The following GLI3 variants were observed in gnomAD, a reference collection of about 807,000 sequenced individuals.
GLI3 encodes transcription activator GLI3.
Under a neutral mutation model 100.8 loss-of-function variants are expected in GLI3, and 20 were observed. That is an observed-to-expected ratio of 0.20 (90% CI 0.14 to 0.29). GLI3 has a LOEUF of 0.29. GLI3 is among the 10% of genes least tolerant of loss of function. The pLI is 1.00. For missense variants in GLI3, 2,040 were observed against 2,128.5 expected, an observed-to-expected ratio of 0.96 and a Z score of 0.82; for synonymous variants, 938 against 860.5, an observed-to-expected ratio of 1.09 and a Z score of -1.58.
chr7:42,110,284 C>A (rs896185798), intron 3 of GLI3, among the ~76,000 whole-genome samples: 1 of 152,188 alleles, frequency 6.6e-6, no homozygotes, highest in African/African-American at 2.4e-5. Flanking sequence ...CCTTTTACAA[C>A]CAACTTTTCT....
At chr7:41,996,299 C>A (rs1404991281) in intron 10 of GLI3, among the ~76,000 whole-genome samples, 2 of 148,392 alleles carry the variant, frequency 1.3e-5, no homozygotes, top group African/African-American at 2.5e-5. Context: ...TTTTTTTTTT[C>A]CTCGAGTCCA....
chr7:42,202,340 TCTCTCTCACACACACA>T (rs1218137746), intron 2 of GLI3, among the ~76,000 whole-genome samples: 97 of 34,834 alleles, frequency 2.8e-3, no homozygotes, highest in African/African-American at 5.4e-3. Context: ...TCTCTCTCTC[TCTCTCTCACACACACA>T]CACACACACA....
intron 6 of GLI3, among the ~76,000 whole-genome samples, chr7:42,043,878 C>G (rs1784192173): frequency 6.6e-6 from 1 of 152,056 alleles, no homozygotes; most frequent in African/African-American, 2.4e-5. Context: ...AATAACACAA[C>G]TTTTTTTTCA....
chr7:42,084,194 C>T (rs984507909), intron 3 of GLI3, among the ~76,000 whole-genome samples: 6 of 152,206 alleles, frequency 3.9e-5, no homozygotes, highest in Non-Finnish European at 7.3e-5. Flanking sequence ...ACTCTGGCCA[C>T]ACCCACAATT....
Position 41,965,599 on chromosome 7 carries a change from C to A in GLI3, c.3474G>T (p.Leu1158=). The change falls in exon 15 of 15, where the codon CTG becomes CTT. Residue 1158 remains leucine, a synonymous_variant. Transcript: ENST00000395925. ...QPCPEGSKTD[L]PIQWNEVSSG... The stretch of plus-strand genomic sequence containing the variant: ...AGCTGACTTCGTTCCACTGAATGGG[C>A]AGGTCGGTTTTGCTGCCCTCGGGGC... 6.2e-7 allele frequency: 1 copy of A among 1,607,200 alleles called. No homozygotes were observed. Among genetic ancestry groups the A allele is most frequent in the Non-Finnish European group, 8.5e-7 (1 of 1,174,538 alleles).
At chr7:42,261,782 A>G (rs1789142786) in intron 1 of GLI3, among the ~76,000 whole-genome samples, 1 of 152,168 alleles carries the variant, frequency 6.6e-6, no homozygotes, top group Non-Finnish European at 1.5e-5. Context: ...CTTTAAAGAT[A>G]GAGATTTAAG....
intron 3 of GLI3, among the ~76,000 whole-genome samples, chr7:42,093,379 CAA>C (rs545971639): frequency 0.014 from 1,411 of 102,728 alleles, 8 homozygotes; most frequent in Middle Eastern, 0.056. Context: ...AACAATGTCT[CAA>C]AAAAAAAAAA....
In GLI3 at chr7:41,964,583, T is replaced by C. The variant is rs1316925701; in HGVS notation, c.4490A>G (p.His1497Arg). ...VTSTVDSLDS[H>R]DLEGVQIDFD... ...GTCAATCTGTACCCCTTCCAGGTCA[T>C]GGCTGTCGAGGCTGTCCACTGTGCT... Residue 1497 changes from histidine (H) to arginine (R), a missense_variant, in exon 15 of 15, where the codon CAT becomes CGT. Transcript: ENST00000395925. The C allele has an allele frequency of 1.9e-6, 3 of 1,614,184 alleles. No homozygotes were observed. The highest frequency in any genetic ancestry group is 1.3e-5 in the African/African-American group (1 of 75,068).
intron 2 of GLI3, among the ~76,000 whole-genome samples, chr7:42,203,067 T>C (rs1008616209): frequency 3.3e-5 from 5 of 152,230 alleles, no homozygotes; most frequent in African/African-American, 4.8e-5. Flanking sequence ...TCCTCCCTCC[T>C]ACAAATTGTT....
chr7:42,170,055 G>C (rs1360522569), intron 2 of GLI3, among the ~76,000 whole-genome samples: 3 of 151,456 alleles, frequency 2.0e-5, no homozygotes, highest in Non-Finnish European at 2.9e-5. Flanking sequence ...TTCAAGACCA[G>C]CCTGGCCAGC....
At position 41,972,722 on chromosome 7, in the gene GLI3, T is replaced by A. The variant is rs1406202180; in HGVS notation, c.1813-95A>T. On this transcript the variant is annotated intron_variant, in intron 12 of 14. Transcript: ENST00000395925. This position sits in a 1 kb window ranked among gnomAD's most constrained non-coding sequence, Gnocchi z 4.4. ...TTATGGTTGCTCATTACATTTTTAA[T>A]CCTTTCAAAACACTTTCACAAGGCT... 2 of 1,031,200 alleles carry A rather than the reference T, an allele frequency of 1.9e-6. No individual in the cohort carries two copies. The highest frequency in any genetic ancestry group is 3.1e-5 in the African/African-American group (2 of 64,012). 63.9% of individuals were successfully genotyped at this position (1,031,200 alleles called of 1,614,324 possible). A position where few individuals can be genotyped will look rare whatever the true frequency, so the allele number is the denominator to read the frequency against.
intron 3 of GLI3, among the ~76,000 whole-genome samples, chr7:42,128,935 G>A (rs1405459314): frequency 2.6e-5 from 4 of 152,176 alleles, no homozygotes; most frequent in African/African-American, 9.7e-5. Context: ...GTGGGCCTGG[G>A]TCTTAAGTTT....
Position 41,972,791 on chromosome 7 carries a change from C to A in GLI3, c.1813-164G>T, listed in dbSNP as rs993046585. On this transcript the variant is annotated intron_variant, in intron 12 of 14. Coordinates refer to ENST00000395925, the MANE Select transcript of GLI3 (RefSeq NM_000168.6). The surrounding 1 kb of genome is among the most constrained non-coding windows in gnomAD (Gnocchi z 4.4). ...TCTAGGAACTAATAGTTTAATAAGGCCATTAGAACACTGTTCCGTGTCCAT... is the reference window on the plus strand; with the variant it reads ...TCTAGGAACTAATAGTTTAATAAGGACATTAGAACACTGTTCCGTGTCCAT... 2.0e-5 allele frequency among the ~76,000 whole-genome samples: 3 copies of A among 152,222 alleles called. No individual in the cohort carries two copies. Among genetic ancestry groups the A allele is most frequent in the Non-Finnish European group, 2.9e-5 (2 of 68,032 alleles).
rs192097575 is a variant in GLI3, at chr7:42,256,307, T to A, written c.-43+7687A>T. ...GTTGATGAAGTCCAATTTATCAGCT[T>A]TTTTTTTTAATGGATCATGTGTTGG... On this transcript the variant is annotated intron_variant, in intron 1 of 2. Coordinates refer to the GLI3 transcript ENST00000678978. Among the ~76,000 whole-genome samples the A allele has an allele frequency of 2.8e-3, 415 of 150,332 alleles. 3 individuals carry two copies. Among genetic ancestry groups the A allele is most frequent in the Non-Finnish European group, 4.0e-3 (272 of 67,452 alleles).
intron 3 of GLI3, among the ~76,000 whole-genome samples, chr7:42,115,547 T>C (rs1785831732): frequency 1.3e-5 from 2 of 152,166 alleles, no homozygotes; most frequent in African/African-American, 2.4e-5. Flanking sequence ...ATAGTTCAGG[T>C]GACGTGGATG....
At chr7:42,186,444 A>G (rs898103640) in intron 2 of GLI3, among the ~76,000 whole-genome samples, 16 of 152,202 alleles carry the variant, frequency 1.1e-4, no homozygotes, top group African/African-American at 3.9e-4. Flanking sequence ...TGCAAGAAAA[A>G]AAGTATTTGA....
intron 3 of GLI3, among the ~76,000 whole-genome samples, chr7:42,123,261 T>C (rs904774782): frequency 2.6e-5 from 4 of 152,208 alleles, no homozygotes; most frequent in Non-Finnish European, 4.4e-5. Context: ...CATTTCTACA[T>C]CCTGAATCTG....
intron 6 of GLI3, among the ~76,000 whole-genome samples, chr7:42,040,477 A>G (rs1242982687): frequency 6.6e-6 from 1 of 152,196 alleles, no homozygotes; most frequent in African/African-American, 2.4e-5. Flanking sequence ...GGAAAATGAT[A>G]AATTGCTAAA....
intron 2 of GLI3, among the ~76,000 whole-genome samples, chr7:42,190,493 C>G (rs1327079622): frequency 6.6e-6 from 1 of 152,116 alleles, no homozygotes; most frequent in African/African-American, 2.4e-5. Flanking sequence ...GACTTAAGAA[C>G]ATATGAAAGA....
Sources: allele counts gnomAD v4.1 joint callset (sites outside exome capture counted in the v4.1 genomes callset), GRCh38; gene constraint gnomAD v4.1.1; non-coding constraint Gnocchi (gnomAD v3.1); transcripts MANE v1.5; gene names NCBI Gene and HGNC (gene_info 2026-07-23, HGNC 2026-07-21).